SGCD: variants seen among roughly 807,000 people sequenced by gnomAD.
SGCD encodes sarcoglycan delta.
In SGCD, 18 loss-of-function variants were observed where a neutral mutation model predicts 36.6. That is an observed-to-expected ratio of 0.49 (90% CI 0.34 to 0.73). SGCD has a LOEUF of 0.73. SGCD is among the 30% of genes least tolerant of loss of function. The pLI is 0.01. For synonymous variants in SGCD, 133 were observed against 130.6 expected (o/e 1.02, Z -0.12); for missense variants, 387 against 346.7 (o/e 1.12, Z -0.92).
Position 156,171,423 on chromosome 5 carries a change from T to C in SGCD, c.-44+47404T>C, listed in dbSNP as rs149990711. Among the ~76,000 whole-genome samples, 115 of 152,340 alleles carry C rather than the reference T, an allele frequency of 7.5e-4. 2 individuals are homozygous for C. The East Asian group carries it at 0.016, about 21-fold the overall frequency. On this transcript the variant is annotated intron_variant, in intron 3 of 9. Coordinates refer to the SGCD transcript ENST00000517913. ...CATCAATAGATCTAAACAGCTACATTTTTTAATTAGATTAAGATCAGGGGT... is the reference window on the plus strand; with the variant it reads ...CATCAATAGATCTAAACAGCTACATCTTTTAATTAGATTAAGATCAGGGGT...
At chr5:155,899,792 T>G (rs951053932) in intron 1 of SGCD, among the ~76,000 whole-genome samples, 1 of 152,150 alleles carries the variant, frequency 6.6e-6, no homozygotes, top group African/African-American at 2.4e-5. Context: ...CGCAGAAGAC[T>G]ATAGGAGAGC....
intron 1 of SGCD, among the ~76,000 whole-genome samples, chr5:155,980,746 G>A (rs1366551044): frequency 6.6e-6 from 1 of 151,400 alleles, no homozygotes; most frequent in African/African-American, 2.4e-5. Context: ...TTTAAAAGGC[G>A]ATGTTAAACA....
At chr5:155,916,911 A>G (rs933077618) in intron 1 of SGCD, among the ~76,000 whole-genome samples, 2 of 152,158 alleles carry the variant, frequency 1.3e-5, no homozygotes, top group Non-Finnish European at 2.9e-5. Flanking sequence ...AGATGAAGCC[A>G]TTTGCCTAAG....
At chr5:155,728,176 C>T in the SGCD span, among the ~76,000 whole-genome samples, 4 of 152,160 alleles carry the variant, frequency 2.6e-5, no homozygotes, top group Non-Finnish European at 5.9e-5. Context: ...CTCCCCGCCG[C>T]CCCCACCCGC....
chr5:155,849,018 A>AT, the SGCD span, among the ~76,000 whole-genome samples: 40,114 of 151,884 alleles, frequency 0.26, 5,932 homozygotes, highest in Admixed American at 0.46. Context: ...AGGCAAATAT[A>AT]TTTTTTTCCA....
upstream of SGCD, among the ~76,000 whole-genome samples, chr5:155,869,769 G>C (rs190721442): frequency 1.3e-5 from 2 of 152,224 alleles, no homozygotes; most frequent in Non-Finnish European, 2.9e-5. Context: ...GAGAGGCCAA[G>C]GTGGGCGGAT....
intron 1 of SGCD, among the ~76,000 whole-genome samples, chr5:156,082,422 C>T (rs530650627): frequency 1.3e-5 from 2 of 152,272 alleles, no homozygotes; most frequent in South Asian, 2.1e-4. Context: ...TACCACTAAC[C>T]TGTCTTCCAT....
chr5:155,821,282 G>A, the SGCD span, among the ~76,000 whole-genome samples: 1 of 151,990 alleles, frequency 6.6e-6, no homozygotes, highest in Non-Finnish European at 1.5e-5. Context: ...TTAAGGTAAA[G>A]ACTTATGTAC....
At chr5:156,523,291 C>T (rs1249180910) in intron 4 of SGCD, among the ~76,000 whole-genome samples, 2 of 152,060 alleles carry the variant, frequency 1.3e-5, no homozygotes, top group African/African-American at 2.4e-5. Context: ...TGGCAATTTC[C>T]CTCTCATGAG....
At chr5:156,188,778 G>A (rs1053818484) in intron 3 of SGCD, among the ~76,000 whole-genome samples, 4 of 150,364 alleles carry the variant, frequency 2.7e-5, no homozygotes, top group Admixed American at 2.0e-4. Flanking sequence ...TTCTATTTTC[G>A]CCTCCTTCTA....
chr5:156,309,478 C>T, intron 3 of SGCD, among the ~76,000 whole-genome samples: 1 of 151,796 alleles, frequency 6.6e-6, no homozygotes, highest in East Asian at 1.9e-4. Context: ...AGGTATTATA[C>T]ATTTCAGTTT....
the SGCD span, among the ~76,000 whole-genome samples, chr5:155,731,244 TAAG>T: frequency 6.7e-6 from 1 of 148,624 alleles, no homozygotes; most frequent in South Asian, 2.2e-4. Flanking sequence ...GGGCAAAGAA[TAAG>T]AGGAGGCAAG....
intron 1 of SGCD, among the ~76,000 whole-genome samples, chr5:156,039,369 A>C (rs113965655): frequency 4.9e-4 from 75 of 152,182 alleles, no homozygotes; most frequent in Admixed American, 1.2e-3. Context: ...GCCCCCACCC[A>C]GACCCCTCAG....
intron 7 of SGCD, among the ~76,000 whole-genome samples, chr5:156,700,903 A>T (rs1754502067): frequency 6.8e-6 from 1 of 147,462 alleles, no homozygotes; most frequent in Admixed American, 7.0e-5. Flanking sequence ...TGGTTGTGCC[A>T]CTGCACTCCA....
chr5:156,338,418 C>A (rs1256866236), intron 2 of SGCD, among the ~76,000 whole-genome samples: 5 of 152,164 alleles, frequency 3.3e-5, no homozygotes, highest in African/African-American at 9.7e-5. Context: ...CCTTTTTCAT[C>A]CCTATGTCTT....
intron 1 of SGCD, among the ~76,000 whole-genome samples, chr5:155,895,833 T>C (rs915080794): frequency 1.3e-5 from 2 of 152,238 alleles, no homozygotes; most frequent in African/African-American, 2.4e-5. Flanking sequence ...TATAAAGTGA[T>C]ATCTCAAGGA....
chr5:156,683,936 A>G (rs1254590823), intron 7 of SGCD, among the ~76,000 whole-genome samples: 2 of 152,232 alleles, frequency 1.3e-5, no homozygotes, highest in Admixed American at 6.5e-5. Context: ...AGACTCCACA[A>G]AAAGTTGAGA....
chr5:155,815,102 A>T, the SGCD span, among the ~76,000 whole-genome samples: 1 of 152,152 alleles, frequency 6.6e-6, no homozygotes, highest in African/African-American at 2.4e-5. Flanking sequence ...TCTCTCACTT[A>T]TTTTTTATTT....
intron 1 of SGCD, among the ~76,000 whole-genome samples, chr5:155,882,316 G>A (rs1027152598): frequency 1.3e-5 from 2 of 151,936 alleles, no homozygotes. Flanking sequence ...TGGGCTCAAG[G>A]GATCCACCTG....
Sources: allele counts gnomAD v4.1 joint callset (sites outside exome capture counted in the v4.1 genomes callset), GRCh38; gene constraint gnomAD v4.1.1; transcripts MANE v1.5; gene names NCBI Gene and HGNC (gene_info 2026-07-23, HGNC 2026-07-21).